The following FMN1 variants were observed in gnomAD, a reference collection of about 807,000 sequenced individuals.
FMN1 encodes formin-1.
A neutral mutation model predicts 132.4 loss-of-function variants in FMN1; 110 were observed. The ratio of observed to expected loss-of-function variants is 0.83; its 90% CI spans 0.71 to 0.97. The LOEUF is 0.97. FMN1 is among the 50% of genes least tolerant of loss of function. The probability of loss-of-function intolerance (pLI) is 0.00; values close to 1 mark genes in which losing one functional copy is unlikely to be tolerated. For synonymous variants in FMN1, 722 were observed against 651.7 expected (o/e 1.11, Z -1.64); for missense variants, 1,792 against 1,705.3 (o/e 1.05, Z -0.90).
chr15:32,921,670 CTT>C, intron 10 of FMN1, among the ~76,000 whole-genome samples: 1 of 111,726 alleles, frequency 9.0e-6, no homozygotes, highest in African/African-American at 4.7e-5. Context: ...CCAGCTGTGT[CTT>C]TTTTTTCTTT....
intron 12 of FMN1, among the ~76,000 whole-genome samples, chr15:32,902,789 A>G (rs2060329119): frequency 1.3e-5 from 2 of 152,204 alleles, no homozygotes; most frequent in African/African-American, 4.8e-5. Context: ...ACTAAGTTGG[A>G]AAGAGCGACA....
intron 5 of FMN1, chr15:33,066,935 G>A: frequency 3.1e-6 from 5 of 1,613,928 alleles, no homozygotes; most frequent in Non-Finnish European, 4.2e-6. Context: ...CTGCACTAAG[G>A]ACTTCTGCAC....
rs1243193188 is a variant in FMN1 at position 33,194,057 on chromosome 15, T to C, written c.-345A>G. The C allele has an allele frequency of 6.6e-6, 1 of 151,790 alleles. No individual in the cohort carries two copies. Among genetic ancestry groups the C allele is most frequent in the Non-Finnish European group, 1.5e-5 (1 of 68,034 alleles). The allele number at this position is 151,790 out of a possible 1,614,324, so 9.4% of individuals were successfully genotyped here. The stretch of plus-strand genomic sequence containing the variant: ...AAGAAGAAAACGGTGATGGTAAATG[T>C]CATCTATAAACACAAGCAAAAAGCA... On this transcript the variant is annotated 5_prime_UTR_variant, in exon 2 of 21. Coordinates refer to ENST00000616417, the MANE Select transcript of FMN1 (RefSeq NM_001277313.2).
intron 10 of FMN1, among the ~76,000 whole-genome samples, chr15:32,911,046 A>G (rs1284235454): frequency 6.6e-6 from 1 of 152,204 alleles, no homozygotes; most frequent in Non-Finnish European, 1.5e-5. Flanking sequence ...GACAAGAAAA[A>G]ACAATAATTG....
At chr15:32,861,965 G>T (rs11858289) in intron 16 of FMN1, among the ~76,000 whole-genome samples, 1 of 152,130 alleles carries the variant, frequency 6.6e-6, no homozygotes, top group East Asian at 1.9e-4. Context: ...GCAGCCCCAC[G>T]GGCTGGGATT....
rs569386412 is a variant in FMN1 at position 32,902,742 on chromosome 15, ACTGT to A, written c.3378-706_3378-703del. Among the ~76,000 whole-genome samples, 33 of 152,338 alleles carry A rather than the reference ACTGT, an allele frequency of 2.2e-4. 1 individual carries two copies. The South Asian group carries it at 3.9e-3, about 18-fold the overall frequency. On this transcript the variant is annotated intron_variant, in intron 12 of 20. Transcript: ENST00000616417. Reference sequence around the variant, plus strand: ...AGTACTGACCTACACACAGTAGCTCACTGTCTGAGTGGTTGGGCACTTGTTCCCT... The same window carrying A: ...AGTACTGACCTACACACAGTAGCTCACTGAGTGGTTGGGCACTTGTTCCCT...
chr15:32,906,544 T>G (rs542384422), intron 12 of FMN1, among the ~76,000 whole-genome samples: 6 of 152,206 alleles, frequency 3.9e-5, no homozygotes, highest in Admixed American at 6.5e-5. Flanking sequence ...CAGGAAAGGT[T>G]TGCCAACTCC....
intron 9 of FMN1, among the ~76,000 whole-genome samples, chr15:32,956,410 G>A (rs533303458): frequency 5.2e-4 from 79 of 151,602 alleles, no homozygotes; most frequent in African/African-American, 1.8e-3. Flanking sequence ...ACAACTTCTG[G>A]GGCTGTCTCA....
chr15:33,136,596 G>A (rs34922363), intron 4 of FMN1, among the ~76,000 whole-genome samples: 8,141 of 152,152 alleles, frequency 0.054, 261 homozygotes, highest in Middle Eastern at 0.082. Context: ...CGTGGTAATG[G>A]CTCTACAGGG....
At chr15:33,053,896 T>C (rs973949126) in intron 6 of FMN1, among the ~76,000 whole-genome samples, 3 of 152,184 alleles carry the variant, frequency 2.0e-5, no homozygotes, top group African/African-American at 7.2e-5. Context: ...TTGTTTTCTT[T>C]TTTCCTTTTC....
intron 7 of FMN1, among the ~76,000 whole-genome samples, chr15:33,006,753 C>G (rs146399085): frequency 1.3e-5 from 2 of 152,002 alleles, no homozygotes; most frequent in African/African-American, 4.8e-5. Context: ...TATGGATGAA[C>G]CTAGAGAACA....
chr15:33,053,776 AG>A (rs1477704820), intron 6 of FMN1, among the ~76,000 whole-genome samples: 2 of 152,210 alleles, frequency 1.3e-5, no homozygotes, highest in Non-Finnish European at 2.9e-5. Context: ...TCTCCAGTAA[AG>A]GGAGTCTCTG....
intron 6 of FMN1, chr15:33,013,027 T>C (rs1328891721): frequency 4.8e-6 from 2 of 414,760 alleles, no homozygotes; most frequent in East Asian, 6.5e-5. Flanking sequence ...CCAAGGAGGC[T>C]ATAGGGGTAG....
chr15:32,818,057 TAA>T (rs915412837), intron 17 of FMN1, among the ~76,000 whole-genome samples: 2 of 152,200 alleles, frequency 1.3e-5, no homozygotes, highest in African/African-American at 2.4e-5. Flanking sequence ...AAGCAGTGCA[TAA>T]GACTTTCTCT....
chr15:33,183,827 G>A (rs1211539326), intron 2 of FMN1, among the ~76,000 whole-genome samples: 1 of 152,088 alleles, frequency 6.6e-6, no homozygotes, highest in African/African-American at 2.4e-5. Context: ...TCAGGAGGTG[G>A]GGAGAAAGGG....
intron 16 of FMN1, among the ~76,000 whole-genome samples, chr15:32,860,108 G>C (rs558540555): frequency 2.0e-5 from 3 of 150,222 alleles, no homozygotes; most frequent in African/African-American, 7.3e-5. Context: ...AGGAGGGAGG[G>C]AGGAAAGAAG....
Position 33,028,174 on chromosome 15 carries a change from C to G in FMN1, c.2162-20099G>C, listed in dbSNP as rs374697988. Among the ~76,000 whole-genome samples the G allele has an allele frequency of 6.4e-4, 98 of 152,274 alleles. 5 individuals are homozygous for G. The South Asian group carries it at 0.02, about 32-fold the overall frequency. ...ACATAGACTTAATTGGCATGAGATG[C>G]GTGTTAGGAGCTGGAATTTTTAAAA... On this transcript the variant is annotated intron_variant, in intron 6 of 20. Coordinates refer to ENST00000616417, the MANE Select transcript of FMN1 (RefSeq NM_001277313.2).
At chr15:32,842,259 G>A (rs1478742318) in intron 17 of FMN1, among the ~76,000 whole-genome samples, 10 of 152,196 alleles carry the variant, frequency 6.6e-5, no homozygotes, top group Admixed American at 6.5e-4. Context: ...CAAGCCATGT[G>A]GAGTGACTGC....
At chr15:33,126,885 G>A (rs938646011) in intron 4 of FMN1, among the ~76,000 whole-genome samples, 10 of 152,134 alleles carry the variant, frequency 6.6e-5, no homozygotes, top group African/African-American at 1.9e-4. Context: ...AATAACTGTG[G>A]CTGTATAACT....
Sources: gnomAD v4.1 joint callset for allele counts (sites outside exome capture counted in the v4.1 genomes callset) on GRCh38, gnomAD v4.1.1 for gene constraint, MANE v1.5 for transcripts, NCBI Gene and HGNC (gene_info 2026-07-23, HGNC 2026-07-21) for gene names.